The following EEA1 variants were observed in gnomAD, a reference collection of about 807,000 sequenced individuals.
EEA1 encodes the protein early endosome antigen 1.
EEA1 carries 111 observed loss-of-function variants against 209.2 expected under a neutral mutation model. That is an observed-to-expected ratio of 0.53 (90% CI 0.45 to 0.62). The LOEUF is 0.62. EEA1 is among the 20% of genes least tolerant of loss of function. The pLI is 0.00. For missense variants in EEA1, 1,343 were observed against 1,530.8 expected, an observed-to-expected ratio of 0.88 and a Z score of 2.05; for synonymous variants, 536 against 540.6, an observed-to-expected ratio of 0.99 and a Z score of 0.12.
chr12:92,850,591 G>A (rs961408958), intron 9 of EEA1, among the ~76,000 whole-genome samples: 3 of 147,518 alleles, frequency 2.0e-5, no homozygotes, highest in Non-Finnish European at 4.5e-5. Flanking sequence ...TTGGGAGGCT[G>A]AGGCAGAAGA....
chr12:92,826,079 GATTA>G (rs1592721993), intron 13 of EEA1, 83 bp downstream of exon 13: 20 of 1,367,886 alleles, frequency 1.5e-5, no homozygotes, highest in East Asian at 5.1e-5. Context: ...TAATGATTTG[GATTA>G]ATTAATTTTA....
chr12:92,878,379 G>A (rs564030780), intron 2 of EEA1, among the ~76,000 whole-genome samples: 78 of 152,268 alleles, frequency 5.1e-4, no homozygotes, highest in African/African-American at 1.8e-3. Context: ...TGGTGGATGA[G>A]GAAAAGGAAG....
intron 22 of EEA1, among the ~76,000 whole-genome samples, chr12:92,784,218 A>T (rs1009374320): frequency 1.3e-5 from 2 of 152,312 alleles, no homozygotes; most frequent in East Asian, 3.9e-4. Flanking sequence ...TCGCCCAAAA[A>T]GCAGAACAGC....
In EEA1 at chr12:92,774,505, C is replaced by T. The variant is rs953183811; in HGVS notation, c.*1506G>A. 2.0e-5 allele frequency: 3 copies of T among 151,636 alleles called. No individual in the cohort carries two copies. Among genetic ancestry groups the T allele is most frequent in the Non-Finnish European group, 4.4e-5 (3 of 67,606 alleles). The allele number at this position is 151,636 out of a possible 1,614,324, so 9.4% of individuals were successfully genotyped here. A position where few individuals can be genotyped will look rare whatever the true frequency, so the allele number is the denominator to read the frequency against. Reference sequence around the variant, plus strand: ...ATTGCACTGAATGAATGTATAACTACACTTCTTCTCTAGAAAGATTAATAA... The same window carrying T: ...ATTGCACTGAATGAATGTATAACTATACTTCTTCTCTAGAAAGATTAATAA... On this transcript the variant is annotated 3_prime_UTR_variant, in exon 29 of 29. Transcript: ENST00000322349.
intron 18 of EEA1, among the ~76,000 whole-genome samples, chr12:92,808,657 T>C (rs1398489389): frequency 2.0e-5 from 3 of 152,154 alleles, no homozygotes; most frequent in African/African-American, 2.4e-5. Context: ...GAAGGCTAAC[T>C]ACTTTTGGGT....
At chr12:92,792,276 A>G (rs2136658922) in intron 21 of EEA1, among the ~76,000 whole-genome samples, 1 of 152,340 alleles carries the variant, frequency 6.6e-6, no homozygotes, top group South Asian at 2.1e-4. Flanking sequence ...CTAAGATCAG[A>G]GCAGAAATGA....
chr12:92,853,728 A>T (rs1200191874), intron 6 of EEA1, among the ~76,000 whole-genome samples, 187 bp downstream of exon 6: 1 of 152,220 alleles, frequency 6.6e-6, no homozygotes, highest in Non-Finnish European at 1.5e-5. Context: ...CTTTTAGTTA[A>T]CTGATTAAAT....
rs896959966 is a variant in EEA1 at position 92,929,245 on chromosome 12, G to C, written c.-179C>G. On this transcript the variant is annotated 5_prime_UTR_variant, in exon 1 of 29. Coordinates refer to ENST00000322349, the MANE Select transcript of EEA1 (RefSeq NM_003566.4). ...CGACTTCCCCACAGGCGGCGAGAGGGAGCACGCGAGAGAGAGCGAGCGAAC... is the reference window on the plus strand; with the variant it reads ...CGACTTCCCCACAGGCGGCGAGAGGCAGCACGCGAGAGAGAGCGAGCGAAC... 3 of 482,724 alleles carry C rather than the reference G, an allele frequency of 6.2e-6. No individual in the cohort carries two copies. Among genetic ancestry groups the C allele is most frequent in the Non-Finnish European group, 1.1e-5 (3 of 280,560 alleles). 29.9% of individuals were successfully genotyped at this position (482,724 alleles called of 1,614,324 possible).
chr12:92,833,359 TA>T (rs1205736902), intron 10 of EEA1, among the ~76,000 whole-genome samples: 2 of 152,216 alleles, frequency 1.3e-5, no homozygotes, highest in Non-Finnish European at 2.9e-5. Flanking sequence ...AGTCACAAGC[TA>T]AGACTAATTC....
intron 14 of EEA1, 151 bp downstream of exon 14, chr12:92,819,157 A>T: frequency 1.8e-6 from 1 of 565,248 alleles, no homozygotes; most frequent in African/African-American, 1.9e-5. Context: ...CCTACCTCTT[A>T]AGGTACATGA....
Position 92,804,851 on chromosome 12 carries a change from T to C in EEA1, c.2340-2117A>G, listed in dbSNP as rs1056035493. On this transcript the variant is annotated intron_variant, in intron 18 of 28. Transcript: ENST00000322349. ...GGGGTTTAGTCAAAGTCTCTATATG[T>C]TTATCTGATATAAGAGCAGAAGGGA... 4.6e-5 allele frequency among the ~76,000 whole-genome samples: 7 copies of C among 152,086 alleles called. No homozygotes were observed. The South Asian group carries it at 1.0e-3, about 22-fold the overall frequency.
At chr12:92,858,369 A>C in intron 3 of EEA1, 1 of 983,612 alleles carries the variant, frequency 1.0e-6, no homozygotes, top group South Asian at 1.3e-5. Flanking sequence ...TGATTCTTCC[A>C]AAGGGTTTGA....
At chr12:92,818,445 T>G (rs903867606) in intron 14 of EEA1, among the ~76,000 whole-genome samples, 1 of 152,236 alleles carries the variant, frequency 6.6e-6, no homozygotes, top group African/African-American at 2.4e-5. Context: ...AAGGGCTAAA[T>G]AGGTATTAAC....
intron 1 of EEA1, among the ~76,000 whole-genome samples, chr12:92,913,724 G>A (rs376630365): frequency 7.9e-5 from 12 of 152,250 alleles, no homozygotes; most frequent in East Asian, 3.9e-4. Flanking sequence ...GCAGTGGCGC[G>A]ATGTCAGCTC....
At chr12:92,880,790 G>A (rs1879104970) in intron 2 of EEA1, among the ~76,000 whole-genome samples, 1 of 152,040 alleles carries the variant, frequency 6.6e-6, no homozygotes, top group South Asian at 2.1e-4. Flanking sequence ...TTTAAAATAG[G>A]CATTTCCAAT....
At chr12:92,860,288 C>A (rs1878082479) in intron 3 of EEA1, among the ~76,000 whole-genome samples, 2 of 152,088 alleles carry the variant, frequency 1.3e-5, no homozygotes, top group African/African-American at 4.8e-5. Context: ...ATAAGAAAGC[C>A]TGAGTACTCC....
intron 2 of EEA1, among the ~76,000 whole-genome samples, chr12:92,878,643 A>C (rs1165251754): frequency 1.3e-5 from 2 of 152,208 alleles, no homozygotes; most frequent in East Asian, 3.8e-4. Flanking sequence ...GAGGAAATTA[A>C]ATATAAAAGC....
At chr12:92,883,736 G>A in intron 2 of EEA1, 1 of 1,223,220 alleles carries the variant, frequency 8.2e-7, no homozygotes, top group Non-Finnish European at 1.2e-6. Context: ...GGACGCCACT[G>A]AAGAAGCATC....
chr12:92,791,925 C>G (rs1874421126), intron 21 of EEA1, among the ~76,000 whole-genome samples: 1 of 152,224 alleles, frequency 6.6e-6, no homozygotes, highest in Non-Finnish European at 1.5e-5. Context: ...CAAACTGTCT[C>G]TCAGATCACA....
Sources: gnomAD v4.1 joint callset for allele counts (sites outside exome capture counted in the v4.1 genomes callset) on GRCh38, gnomAD v4.1.1 for gene constraint, MANE v1.5 for transcripts, NCBI Gene and HGNC (gene_info 2026-07-23, HGNC 2026-07-21) for gene names.